Variants in PTER observed in about 807,000 individuals in gnomAD.
The protein encoded by PTER is phosphotriesterase related.
PTER carries 38 observed loss-of-function variants against 29.6 expected under a neutral mutation model. That is an observed-to-expected ratio of 1.28 (90% CI 0.99 to 1.68). PTER has a LOEUF of 1.68. Ranked by LOEUF, PTER falls within the 40% of genes most tolerant of loss-of-function variation. PTER has a pLI of 0.00. For missense variants in PTER, 482 were observed against 427.8 expected, an observed-to-expected ratio of 1.13 and a Z score of -1.12; for synonymous variants, 172 against 154.5, an observed-to-expected ratio of 1.11 and a Z score of -0.84.
chr10:16,502,348 CAG>C (rs1156869197), intron 3 of PTER, among the ~76,000 whole-genome samples: 5 of 151,942 alleles, frequency 3.3e-5, no homozygotes, highest in Non-Finnish European at 7.4e-5. Context: ...TTGGGGAAAA[CAG>C]AATATGTTTT....
chr10:16,456,694 C>G (rs887886476), intron 1 of PTER, among the ~76,000 whole-genome samples: 6 of 152,246 alleles, frequency 3.9e-5, no homozygotes, highest in Middle Eastern at 3.4e-3. Context: ...ATTACCTGTT[C>G]TTGCTCTCTT....
intron 4 of PTER, among the ~76,000 whole-genome samples, chr10:16,506,658 G>A (rs1836580115): frequency 6.6e-6 from 1 of 152,126 alleles, no homozygotes; most frequent in East Asian, 1.9e-4. Flanking sequence ...GCATGACACA[G>A]CGATGGGGTG....
chr10:16,471,578 T>C (rs974796264), intron 1 of PTER, among the ~76,000 whole-genome samples: 40 of 152,324 alleles, frequency 2.6e-4, no homozygotes, highest in African/African-American at 8.7e-4. Context: ...TATAAATTTT[T>C]ATCGTATTTA....
rs1835621977 is a variant in PTER at position 16,484,714 on chromosome 10, G to A, written c.330G>A (p.Leu110=). 1.2e-6 allele frequency: 2 copies of A among 1,614,162 alleles called. No individual in the cohort carries two copies. Among genetic ancestry groups the A allele is most frequent in the African/African-American group, 1.3e-5 (1 of 75,052 alleles). ...TTGISRDTQT[L]KRLAEETGVH... is the part of the protein sequence containing the mutation. Reference sequence around the variant, plus strand: ...GGATTAGCCGAGACACACAGACGTTGAAGAGGCTTGCAGAAGAGACTGGCG... The same window carrying A: ...GGATTAGCCGAGACACACAGACGTTAAAGAGGCTTGCAGAAGAGACTGGCG... The change falls in exon 2 of 5, where the codon TTG becomes TTA. Residue 110 remains leucine, a synonymous_variant. Coordinates refer to ENST00000535784, the MANE Select transcript of PTER (RefSeq NM_001261836.2).
At chr10:16,492,388 C>T (rs1721528294) in intron 3 of PTER, among the ~76,000 whole-genome samples, 1 of 152,166 alleles carries the variant, frequency 6.6e-6, no homozygotes, top group Non-Finnish European at 1.5e-5. Flanking sequence ...CCTGTTAAAA[C>T]TCTACCCACG....
At chr10:16,496,834 G>A (rs1836124431) in intron 3 of PTER, among the ~76,000 whole-genome samples, 3 of 152,150 alleles carry the variant, frequency 2.0e-5, no homozygotes, top group South Asian at 2.1e-4. Context: ...ATAGATGGAT[G>A]GATGATTCCC....
chr10:16,485,267 G>A (rs79384618), intron 2 of PTER, among the ~76,000 whole-genome samples: 99 of 152,200 alleles, frequency 6.5e-4, no homozygotes, highest in African/African-American at 2.2e-3. Context: ...CAAAGACTTG[G>A]CACATTTGTG....
intron 1 of PTER, among the ~76,000 whole-genome samples, chr10:16,471,380 T>C (rs1415092865): frequency 6.6e-6 from 1 of 152,218 alleles, no homozygotes; most frequent in Non-Finnish European, 1.5e-5. Flanking sequence ...CTAGTAACAT[T>C]GATCTTTTCC....
At chr10:16,457,487 A>G (rs577285124) in intron 1 of PTER, among the ~76,000 whole-genome samples, 1 of 152,322 alleles carries the variant, frequency 6.6e-6, no homozygotes, top group African/African-American at 2.4e-5. Context: ...TGCTGGAATT[A>G]CAGGCATGAG....
chr10:16,469,867 A>G (rs1485214828), intron 1 of PTER, among the ~76,000 whole-genome samples: 1 of 150,386 alleles, frequency 6.6e-6, no homozygotes, highest in African/African-American at 2.4e-5. Flanking sequence ...AGCATGAGCC[A>G]CCGTGCCTGG....
chr10:16,482,392 C>T (rs1434774110), intron 1 of PTER, among the ~76,000 whole-genome samples: 1 of 152,166 alleles, frequency 6.6e-6, no homozygotes, highest in Non-Finnish European at 1.5e-5. Context: ...AAGAAATAAT[C>T]TAGGATATAC....
At chr10:16,437,601 C>T (rs894365908) in intron 1 of PTER, 1 of 152,192 alleles carries the variant, frequency 6.6e-6, no homozygotes, top group Admixed American at 6.5e-5. Flanking sequence ...GCCTCGGCCT[C>T]CCAAAGTGCT....
In PTER at chr10:16,511,067, G is replaced by T. The variant is rs190791269; in HGVS notation, c.861G>T (p.Glu287Asp). ...ACAGGGTGCGTCTCCTGGTGGAAGA[G>T]GGCTGTGAAGATCGAATTCTGGTAG... Reference protein sequence around the residue: ...RIRRVRLLVEEGCEDRILVAH... With the variant: ...RIRRVRLLVEDGCEDRILVAH... The change falls in exon 5 of 5, where the codon GAG (glutamate) becomes GAT (aspartate). Residue 287 changes from glutamate to aspartate, a missense_variant. Transcript: ENST00000535784. 3.8e-5 allele frequency: 62 copies of T among 1,613,602 alleles called. No homozygotes were observed. Among genetic ancestry groups the T allele is most frequent in the Non-Finnish European group, 5.1e-5 (60 of 1,179,762 alleles).
intron 1 of PTER, chr10:16,437,624 C>G (rs1020385564): frequency 6.6e-6 from 1 of 151,994 alleles, no homozygotes; most frequent in Non-Finnish European, 1.5e-5. Flanking sequence ...CATTACAGGT[C>G]TATATTTTTT....
chr10:16,470,945 C>A (rs914148343), intron 1 of PTER, among the ~76,000 whole-genome samples: 2 of 152,066 alleles, frequency 1.3e-5, no homozygotes, highest in African/African-American at 4.8e-5. Flanking sequence ...CTTCACAACA[C>A]CCCCGCCTCC....
Position 16,513,323 on chromosome 10 carries a change from A to G in PTER, c.*2067A>G, listed in dbSNP as rs1237885777. The G allele has an allele frequency of 6.6e-6, 1 of 152,560 alleles. No homozygotes were observed. Among genetic ancestry groups the G allele is most frequent in the Non-Finnish European group, 1.5e-5 (1 of 67,980 alleles). 9.5% of individuals were successfully genotyped at this position (152,560 alleles called of 1,614,324 possible). On this transcript the variant is annotated 3_prime_UTR_variant, in exon 5 of 5. Coordinates refer to ENST00000535784, the MANE Select transcript of PTER (RefSeq NM_001261836.2). ...ATAATTTGTGCATGTTTGTGTGTGT[A>G]TATATGCATACACTTTTTTATATTA...
chr10:16,503,814 G>A (rs1184826108), intron 3 of PTER, among the ~76,000 whole-genome samples: 1 of 152,184 alleles, frequency 6.6e-6, no homozygotes, highest in Admixed American at 6.5e-5. Flanking sequence ...TGCTGGGATT[G>A]AGCCACCGCA....
intron 3 of PTER, among the ~76,000 whole-genome samples, chr10:16,503,056 A>G (rs893182361): frequency 7.5e-5 from 10 of 133,620 alleles, no homozygotes; most frequent in Non-Finnish European, 1.6e-4. Context: ...TCATGGACAC[A>G]TGATAGTGCT....
chr10:16,505,117 G>A lies in PTER; in HGVS notation c.796G>A (p.Gly266Ser), dbSNP rs766775309. Residue 266 changes from glycine (G) to serine (S), a missense_variant, in exon 4 of 5, where the codon GGC becomes AGC. Physicochemically the swap from Gly to Ser is moderately conservative, Grantham distance 56. Coordinates refer to ENST00000535784, the MANE Select transcript of PTER (RefSeq NM_001261836.2). ...FGTELLHYQLGPDIDMPDDNK... is the reference protein window; with the variant it reads ...FGTELLHYQLSPDIDMPDDNK... ...TACTGAACTACTTCATTACCAACTC[G>A]GCCCAGATATTGACATGCCTGATGA... 2.0e-5 allele frequency: 33 copies of A among 1,613,758 alleles called. No homozygotes were observed. The highest frequency in any genetic ancestry group is 3.3e-4 in the Middle Eastern group (2 of 6,084).
Sources: gnomAD v4.1 joint callset for allele counts (sites outside exome capture counted in the v4.1 genomes callset) on GRCh38, gnomAD v4.1.1 for gene constraint, MANE v1.5 for transcripts, NCBI Gene and HGNC (gene_info 2026-07-23, HGNC 2026-07-21) for gene names.